The following SP3 variants were observed in gnomAD, a reference collection of about 807,000 sequenced individuals.
SP3 encodes the protein transcription factor Sp3.
A neutral mutation model predicts 70.3 loss-of-function variants in SP3; 10 were observed. That is an observed-to-expected ratio of 0.14 (90% CI 0.09 to 0.24). The LOEUF (loss-of-function observed/expected upper bound fraction) is 0.24, where lower values mean the gene tolerates loss of function less well. Ranked by LOEUF, SP3 falls within the 10% of genes least tolerant of loss-of-function variation. SP3 has a pLI of 1.00. For missense variants in SP3, 825 were observed against 914.6 expected, an observed-to-expected ratio of 0.90 and a Z score of 1.26; for synonymous variants, 402 against 333.5, an observed-to-expected ratio of 1.21 and a Z score of -2.24.
At chr2:173,912,111 G>A (rs911591455) in intron 6 of SP3, among the ~76,000 whole-genome samples, 4 of 152,166 alleles carry the variant, frequency 2.6e-5, no homozygotes, top group Admixed American at 6.5e-5. Context: ...GGGCCAGCAC[G>A]CCCTGCAGCC....
In SP3 at chr2:173,901,007, C is replaced by T. The variant is rs1689180607; in HGVS notation, c.*8934G>A. Among the ~76,000 whole-genome samples the T allele has an allele frequency of 6.6e-6, 1 of 152,110 alleles. No homozygotes were observed. Among genetic ancestry groups the T allele is most frequent in the Non-Finnish European group, 1.5e-5 (1 of 68,010 alleles). ...GAACAGTCAAAACCATTTTGAAATA[C>T]AGAGAAGGGTGGGCAGAGGAGACTT... On this transcript the variant is annotated 3_prime_UTR_variant, in exon 7 of 7. Coordinates refer to ENST00000310015, the MANE Select transcript of SP3 (RefSeq NM_003111.5).
chr2:173,944,222 T>C (rs1008413887), intron 4 of SP3, among the ~76,000 whole-genome samples: 2 of 152,208 alleles, frequency 1.3e-5, no homozygotes, highest in African/African-American at 4.8e-5. Flanking sequence ...CAACGTCACA[T>C]GTTAAGTACC....
intron 4 of SP3, among the ~76,000 whole-genome samples, chr2:173,943,745 G>A (rs2105485385): frequency 6.6e-6 from 1 of 152,290 alleles, no homozygotes; most frequent in East Asian, 1.9e-4. Context: ...TTTCACTGCT[G>A]CAAAGAACAT....
intron 4 of SP3, among the ~76,000 whole-genome samples, chr2:173,941,390 G>A (rs1048260523): frequency 6.6e-5 from 10 of 152,208 alleles, no homozygotes; most frequent in African/African-American, 1.9e-4. Context: ...GGTGGATAAC[G>A]TGAGACCAGG....
Position 173,906,797 on chromosome 2 carries a change from C to T in SP3, c.*3144G>A, listed in dbSNP as rs567666525. On this transcript the variant is annotated 3_prime_UTR_variant, in exon 7 of 7. Transcript: ENST00000310015. Reference sequence around the variant, plus strand: ...GTGTTTAACAGAACCACTTGAGCAGCTGTTTCAAAACACATATACACTCCA... The same window carrying T: ...GTGTTTAACAGAACCACTTGAGCAGTTGTTTCAAAACACATATACACTCCA... 6.6e-6 allele frequency: 1 copy of T among 152,274 alleles called. No homozygotes were observed. Among genetic ancestry groups the T allele is most frequent in the African/African-American group, 2.4e-5 (1 of 41,550 alleles). The allele number at this position is 152,274 out of a possible 1,614,324, so 9.4% of individuals were successfully genotyped here.
rs190176243 is a variant in SP3 at position 173,927,112 on chromosome 2, C to T, written c.1640-8327G>A. Reference sequence around the variant, plus strand: ...GCCACACACACTTAACTAGATCTCACAAGAACTCACTATCACCAAGACAAC... The same window carrying T: ...GCCACACACACTTAACTAGATCTCATAAGAACTCACTATCACCAAGACAAC... On this transcript the variant is annotated intron_variant, in intron 4 of 6. Coordinates refer to ENST00000310015, the MANE Select transcript of SP3 (RefSeq NM_003111.5). Among the ~76,000 whole-genome samples the T allele has an allele frequency of 3.0e-3, 461 of 152,042 alleles. 4 individuals are homozygous for T. Among genetic ancestry groups the T allele is most frequent in the African/African-American group, 0.01 (427 of 41,442 alleles).
chr2:173,949,343 G>A (rs921786022), intron 4 of SP3, among the ~76,000 whole-genome samples: 6 of 149,834 alleles, frequency 4.0e-5, no homozygotes, highest in Non-Finnish European at 8.9e-5. Context: ...TTTATTCAAG[G>A]CTAGTATTTT....
At chr2:173,950,137 T>C (rs1690669339) in intron 4 of SP3, among the ~76,000 whole-genome samples, 1 of 152,078 alleles carries the variant, frequency 6.6e-6, no homozygotes, top group African/African-American at 2.4e-5. Context: ...TGGCGCCTGA[T>C]GTTTCCAGGA....
intron 4 of SP3, among the ~76,000 whole-genome samples, chr2:173,925,574 T>C (rs1689890402): frequency 6.6e-6 from 1 of 152,200 alleles, no homozygotes; most frequent in Non-Finnish European, 1.5e-5. Context: ...TTATGTGTTT[T>C]TTACAATTTT....
At chr2:173,927,219 G>A (rs1689940999) in intron 4 of SP3, among the ~76,000 whole-genome samples, 1 of 151,892 alleles carries the variant, frequency 6.6e-6, no homozygotes, top group Admixed American at 6.6e-5. Context: ...CCCACATTGG[G>A]GATTACAATT....
At chr2:173,963,167 C>T (rs751626161) in intron 3 of SP3, 2 of 151,260 alleles carry the variant, frequency 1.3e-5, no homozygotes, top group Non-Finnish European at 2.9e-5. Flanking sequence ...TCATTTACCC[C>T]CCTTACAAAA....
rs1689195204 is a variant in SP3 at position 173,901,790 on chromosome 2, C to T, written c.*8151G>A. On this transcript the variant is annotated 3_prime_UTR_variant, in exon 7 of 7. Coordinates refer to ENST00000310015, the MANE Select transcript of SP3 (RefSeq NM_003111.5). ...AATCTCGGCTCACTGCAACCTATGC[C>T]TCCTGCGTTCAAGCGATTCTCGTGC... is the stretch of plus-strand genomic sequence containing the variant. Among the ~76,000 whole-genome samples the T allele has an allele frequency of 6.7e-6, 1 of 148,574 alleles. No individual in the cohort carries two copies. The highest frequency in any genetic ancestry group is 2.5e-5 in the African/African-American group (1 of 40,478).
chr2:173,912,008 C>T (rs533093267), intron 6 of SP3, among the ~76,000 whole-genome samples: 5 of 152,106 alleles, frequency 3.3e-5, no homozygotes, highest in African/African-American at 1.2e-4. Flanking sequence ...AGGAGAGACA[C>T]GGTTTCACCA....
At chr2:173,911,997 T>C (rs915856852) in intron 6 of SP3, among the ~76,000 whole-genome samples, 2 of 152,120 alleles carry the variant, frequency 1.3e-5, no homozygotes, top group South Asian at 2.1e-4. Flanking sequence ...TTTGTCTTTC[T>C]AGGAGAGACA....
intron 4 of SP3, among the ~76,000 whole-genome samples, chr2:173,948,772 GT>G (rs1487935143): frequency 6.6e-6 from 1 of 150,894 alleles, no homozygotes; most frequent in Non-Finnish European, 1.5e-5. Context: ...ATAATTATAA[GT>G]CTCAAAATTA....
chr2:173,931,447 G>A (rs1239717331), intron 4 of SP3, among the ~76,000 whole-genome samples: 4 of 152,078 alleles, frequency 2.6e-5, no homozygotes, highest in African/African-American at 4.8e-5. Flanking sequence ...GGGTTCAAGC[G>A]ATTCTTCTGC....
At chr2:173,953,999 A>G (rs1051588333) in intron 4 of SP3, among the ~76,000 whole-genome samples, 1 of 152,242 alleles carries the variant, frequency 6.6e-6, no homozygotes, top group African/African-American at 2.4e-5. Flanking sequence ...AGTTATGTCA[A>G]TCAGTTCAGT....
chr2:173,927,294 AG>A (rs1689943472), intron 4 of SP3, among the ~76,000 whole-genome samples: 1 of 149,716 alleles, frequency 6.7e-6, no homozygotes, highest in Non-Finnish European at 1.5e-5. Context: ...TTTTTTTTTA[AG>A]ACAGGGTTCT....
chr2:173,901,827 G>A lies in SP3; in HGVS notation c.*8114C>T, dbSNP rs573086493. Reference sequence around the variant, plus strand: ...AGCGATTCTCGTGCCTCAGCCTCCCGAGTAGCTGGGATTGCAGGCATGCGC... The same window carrying A: ...AGCGATTCTCGTGCCTCAGCCTCCCAAGTAGCTGGGATTGCAGGCATGCGC... On this transcript the variant is annotated 3_prime_UTR_variant, in exon 7 of 7. Coordinates refer to ENST00000310015, the MANE Select transcript of SP3 (RefSeq NM_003111.5). Among the ~76,000 whole-genome samples, 17 of 150,182 alleles carry A rather than the reference G, an allele frequency of 1.1e-4. No individual in the cohort carries two copies. The highest frequency in any genetic ancestry group is 3.2e-4 in the African/African-American group (13 of 40,906).
Sources: allele counts gnomAD v4.1 joint callset (sites outside exome capture counted in the v4.1 genomes callset), GRCh38; gene constraint gnomAD v4.1.1; transcripts MANE v1.5; gene names NCBI Gene and HGNC (gene_info 2026-07-23, HGNC 2026-07-21).